Variants in CLCN3 observed in about 807,000 individuals in gnomAD.
CLCN3 encodes the protein Cl-/H+ antiporter 3.
In CLCN3, 16 loss-of-function variants were observed where a neutral mutation model predicts 83.4. The ratio of observed to expected loss-of-function variants is 0.19; its 90% confidence interval spans 0.13 to 0.29. The LOEUF is 0.29. Among genes scored for constraint, CLCN3 ranks in the 10% least tolerant of loss-of-function variants. The pLI, the probability that CLCN3 is intolerant of heterozygous loss-of-function variation, is 1.00. For synonymous variants in CLCN3, 322 were observed against 346.2 expected, an observed-to-expected ratio of 0.93 and a Z score of 0.78; for missense variants, 544 against 1,006.0, an observed-to-expected ratio of 0.54 and a Z score of 6.21.
intron 9 of CLCN3, among the ~76,000 whole-genome samples, chr4:169,699,251 A>C (rs560470082): frequency 6.6e-6 from 1 of 152,252 alleles, no homozygotes; most frequent in Admixed American, 6.5e-5. Context: ...TCCATCAAGA[A>C]ATTAAGGCAG....
intron 1 of CLCN3, among the ~76,000 whole-genome samples, chr4:169,630,894 A>G (rs1230731037): frequency 2.0e-5 from 3 of 152,166 alleles, no homozygotes; most frequent in Non-Finnish European, 4.4e-5. Context: ...TGTTTTTGCT[A>G]TTGTGGGTAG....
chr4:169,684,975 AT>A (rs34668119), intron 3 of CLCN3, among the ~76,000 whole-genome samples: 77,102 of 127,974 alleles, frequency 0.6, 24,463 homozygotes, highest in East Asian at 0.91. Flanking sequence ...TGCCTGGCTA[AT>A]TTTTTTTTTT....
At chr4:169,625,281 A>G (rs928042994) in intron 1 of CLCN3, among the ~76,000 whole-genome samples, 35 of 151,924 alleles carry the variant, frequency 2.3e-4, no homozygotes, top group Non-Finnish European at 4.4e-5. Flanking sequence ...GTTTATATCC[A>G]CTTTTCTTTT....
intron 2 of CLCN3, among the ~76,000 whole-genome samples, chr4:169,668,467 A>G (rs540691619): frequency 6.6e-6 from 1 of 152,232 alleles, no homozygotes; most frequent in Non-Finnish European, 1.5e-5. Flanking sequence ...AGTGGGTAAC[A>G]AAACCAAGGT....
At chr4:169,651,220 T>TAG (rs538819398) in intron 2 of CLCN3, among the ~76,000 whole-genome samples, 125 of 152,272 alleles carry the variant, frequency 8.2e-4, no homozygotes, top group African/African-American at 2.7e-3. Flanking sequence ...ACTAAAATGA[T>TAG]TACCTCTTCA....
At chr4:169,632,086 T>C (rs1773386532) in intron 1 of CLCN3, among the ~76,000 whole-genome samples, 1 of 152,052 alleles carries the variant, frequency 6.6e-6, no homozygotes, top group Non-Finnish European at 1.5e-5. Context: ...TACCAAAACC[T>C]GGCAAAGACA....
intron 2 of CLCN3, among the ~76,000 whole-genome samples, chr4:169,678,966 C>A (rs562152507): frequency 1.3e-5 from 2 of 152,276 alleles, no homozygotes; most frequent in African/African-American, 4.8e-5. Flanking sequence ...CAGAGGGGCT[C>A]CTCACTTCCC....
intron 2 of CLCN3, chr4:169,663,760 A>G: frequency 3.6e-6 from 1 of 276,130 alleles, no homozygotes; most frequent in Non-Finnish European, 7.3e-6. Flanking sequence ...TGTTAAGGAA[A>G]AGTCAGAATT....
intron 1 of CLCN3, among the ~76,000 whole-genome samples, chr4:169,633,295 G>A (rs888613569): frequency 1.4e-4 from 21 of 152,138 alleles, no homozygotes; most frequent in African/African-American, 3.1e-4. Context: ...ACAGGCATGC[G>A]CCACCACACC....
chr4:169,681,760 C>T (rs534618873), intron 3 of CLCN3, among the ~76,000 whole-genome samples: 2 of 152,252 alleles, frequency 1.3e-5, no homozygotes, highest in South Asian at 2.1e-4. Flanking sequence ...TACATGTTGA[C>T]ATAAATAACA....
chr4:169,636,588 A>G (rs1334953947), intron 2 of CLCN3, among the ~76,000 whole-genome samples: 1 of 152,104 alleles, frequency 6.6e-6, no homozygotes, highest in African/African-American at 2.4e-5. Context: ...GTACTCTTTT[A>G]TGTCTGTGGC....
chr4:169,688,694 A>C (rs1732252940), intron 4 of CLCN3, among the ~76,000 whole-genome samples: 1 of 152,174 alleles, frequency 6.6e-6, no homozygotes, highest in South Asian at 2.1e-4. Context: ...AATTGACATC[A>C]TTTATAAGTC....
chr4:169,711,933 T>C (rs1275046725), intron 11 of CLCN3, among the ~76,000 whole-genome samples: 1 of 152,008 alleles, frequency 6.6e-6, no homozygotes, highest in African/African-American at 2.4e-5. Flanking sequence ...GGTATGATCA[T>C]GGCTGACTGC....
At chr4:169,665,718 A>T (rs1346628243) in intron 2 of CLCN3, among the ~76,000 whole-genome samples, 1 of 152,178 alleles carries the variant, frequency 6.6e-6, no homozygotes, top group Non-Finnish European at 1.5e-5. Context: ...TAATTTTTTT[A>T]AAAAGGTTCA....
chr4:169,686,394 A>C (rs1732158338), intron 3 of CLCN3, among the ~76,000 whole-genome samples: 1 of 149,674 alleles, frequency 6.7e-6, no homozygotes, highest in Non-Finnish European at 1.5e-5. Flanking sequence ...ACAGTTGAGC[A>C]CTGAAGTCCT....
intron 10 of CLCN3, among the ~76,000 whole-genome samples, chr4:169,705,995 A>G (rs907680813): frequency 6.7e-6 from 1 of 150,234 alleles, no homozygotes; most frequent in Non-Finnish European, 1.5e-5. Context: ...GTGAGACCCC[A>G]AATCCTAAAA....
chr4:169,689,808 A>C (rs1181292490), intron 5 of CLCN3, among the ~76,000 whole-genome samples: 1 of 152,236 alleles, frequency 6.6e-6, no homozygotes, highest in East Asian at 1.9e-4. Flanking sequence ...ATTTGCGGTA[A>C]GATGAGTAGT....
At chr4:169,690,695 G>C in intron 6 of CLCN3, 43 bp downstream of exon 6, 1 of 1,566,278 alleles carries the variant, frequency 6.4e-7, no homozygotes, top group Non-Finnish European at 8.7e-7. Context: ...TTATTATGAT[G>C]CTTATCTTTT....
At chr4:169,672,861 C>A (rs1460139580) in intron 2 of CLCN3, among the ~76,000 whole-genome samples, 1 of 151,826 alleles carries the variant, frequency 6.6e-6, no homozygotes, top group Non-Finnish European at 1.5e-5. Flanking sequence ...GACAGGGTTT[C>A]ACCATCTTGG....
Sources: allele counts gnomAD v4.1 joint callset (sites outside exome capture counted in the v4.1 genomes callset), GRCh38; gene constraint gnomAD v4.1.1; transcripts MANE v1.5; gene names NCBI Gene and HGNC (gene_info 2026-07-23, HGNC 2026-07-21).